OAS3: variants seen among roughly 807,000 people sequenced by gnomAD.
OAS3 encodes 2'-5'-oligoadenylate synthase 3.
Under a neutral mutation model 113.0 loss-of-function variants are expected in OAS3, and 107 were observed. The ratio of observed to expected loss-of-function variants is 0.95; its 90% CI spans 0.81 to 1.11. The LOEUF is 1.11. Among genes scored for constraint, OAS3 ranks in the 50% most tolerant of loss-of-function variants. The pLI is 0.00. For missense variants in OAS3, 1,258 were observed against 1,389.1 expected (o/e 0.91, Z 1.50); for synonymous variants, 552 against 573.6 (o/e 0.96, Z 0.54).
rs1253912699 is a variant in OAS3, at chr12:112,957,902, G to C, written c.1658-3169G>C. On this transcript the variant is annotated intron_variant, in intron 7 of 15. Coordinates refer to ENST00000228928, the MANE Select transcript of OAS3 (RefSeq NM_006187.4). Reference sequence around the variant, plus strand: ...TGGCCTGCCTTGCTAGGTTGGGGAAGTTCTCCTGGATAATATCCTGCAGAG... The same window carrying C: ...TGGCCTGCCTTGCTAGGTTGGGGAACTTCTCCTGGATAATATCCTGCAGAG... Among the ~76,000 whole-genome samples, 4 of 152,180 alleles carry C rather than the reference G, an allele frequency of 2.6e-5. No individual in the cohort carries two copies. The South Asian group carries it at 8.3e-4, about 32-fold the overall frequency.
rs1470491564 is a variant in OAS3, at chr12:112,944,637, C to A, written c.622C>A (p.His208Asn). The change falls in exon 3 of 16, where the codon CAC (histidine) becomes AAC (asparagine). Residue 208 changes from histidine to asparagine, a missense_variant. By Grantham distance (68) the His-to-Asn change is moderately conservative (BLOSUM62 1). Coordinates refer to ENST00000228928, the MANE Select transcript of OAS3 (RefSeq NM_006187.4). ...GAAGAACCTAATCTTGCTGGTGAAG[C>A]ACTGGTACCACCAGGTGAAGCCACT... ...KLKNLILLVK[H>N]WYHQVCLQGL... is the part of the protein sequence containing the mutation. 1.2e-6 allele frequency: 2 copies of A among 1,613,920 alleles called. No individual in the cohort carries two copies. Among genetic ancestry groups the A allele is most frequent in the Non-Finnish European group, 1.7e-6 (2 of 1,179,908 alleles).
chr12:112,950,735 G>T lies in OAS3; in HGVS notation c.1417G>T (p.Asp473Tyr). The part of the protein sequence containing the change: ...GRGTDLRDGC[D>Y]VELIIFLNCF... The stretch of plus-strand genomic sequence containing the variant: ...GGGCACAGACCTAAGGGATGGCTGT[G>T]ATGTTGAACTCATCATCTTCCTCAA... The change falls in exon 7 of 16, where the codon GAT becomes TAT. Residue 473 changes from aspartate (D) to tyrosine (Y), a missense_variant. Transcript: ENST00000228928. The T allele has an allele frequency of 6.2e-7, 1 of 1,614,030 alleles. No homozygotes were observed. Among genetic ancestry groups the T allele is most frequent in the Non-Finnish European group, 8.5e-7 (1 of 1,179,890 alleles).
At chr12:112,967,033 A>G (rs564261519) in intron 12 of OAS3, among the ~76,000 whole-genome samples, 1 of 152,188 alleles carries the variant, frequency 6.6e-6, no homozygotes, top group Non-Finnish European at 1.5e-5. Context: ...TGTAACCAGA[A>G]TGGTGATGTC....
In OAS3 at chr12:112,968,326, T is replaced by C. The variant is rs372759826; in HGVS notation, c.3104+152T>C. 8 of 717,648 alleles carry C rather than the reference T, an allele frequency of 1.1e-5. 1 individual carries two copies. Among genetic ancestry groups the C allele is most frequent in the African/African-American group, 9.6e-5 (5 of 52,108 alleles). The allele number at this position is 717,648 out of a possible 1,614,324, so 44.5% of individuals were successfully genotyped here. Reference sequence around the variant, plus strand: ...TTTGTAGTACCTGAGGGACAAACGGTCAATTTTCTGGTCACCCAGGAATAG... The same window carrying C: ...TTTGTAGTACCTGAGGGACAAACGGCCAATTTTCTGGTCACCCAGGAATAG... On this transcript the variant is annotated intron_variant, in intron 14 of 15. Coordinates refer to ENST00000228928, the MANE Select transcript of OAS3 (RefSeq NM_006187.4).
At chr12:112,955,148 T>C (rs2043821875) in intron 7 of OAS3, among the ~76,000 whole-genome samples, 2 of 152,230 alleles carry the variant, frequency 1.3e-5, no homozygotes, top group African/African-American at 2.4e-5. Flanking sequence ...GTAGGAATGC[T>C]TGTGATTTTT....
chr12:112,969,929 G>C (rs1202415448), intron 15 of OAS3, 33 bp from the exon 16 acceptor site: 1 of 1,605,076 alleles, frequency 6.2e-7, no homozygotes, highest in Non-Finnish European at 8.5e-7. Flanking sequence ...AGAAAGAATG[G>C]GGTTACCAAC....
At chr12:112,948,807 T>C (rs2043758032) in intron 5 of OAS3, 54 bp from the exon 6 acceptor site, 5 of 1,389,608 alleles carry the variant, frequency 3.6e-6, no homozygotes, top group Non-Finnish European at 4.9e-6. Flanking sequence ...AGGCATTGGG[T>C]TGATGCAGAA....
intron 4 of OAS3, among the ~76,000 whole-genome samples, chr12:112,947,192 A>G (rs1489746151): frequency 6.6e-6 from 1 of 152,168 alleles, no homozygotes. Context: ...GCCTGGCCCC[A>G]CAAGTTTTAT....
At chr12:112,947,918 G>T (rs1228245487) in intron 4 of OAS3, 28 bp from the exon 5 acceptor site, 2 of 1,553,146 alleles carry the variant, frequency 1.3e-6, no homozygotes, top group Non-Finnish European at 1.7e-6. Context: ...TTGCTAACCA[G>T]AACCTTCTTG....
intron 8 of OAS3, among the ~76,000 whole-genome samples, chr12:112,961,746 AGC>A (rs1451164308): frequency 6.6e-6 from 1 of 152,060 alleles, no homozygotes; most frequent in Non-Finnish European, 1.5e-5. Flanking sequence ...TGTGCCTGAA[AGC>A]AGATCTACTC....
At chr12:112,968,426 G>A (rs151094778) in intron 14 of OAS3, among the ~76,000 whole-genome samples, 48 of 152,282 alleles carry the variant, frequency 3.2e-4, no homozygotes, top group African/African-American at 1.1e-3. Flanking sequence ...CTTAGTATAA[G>A]TATGCTCGAT....
In OAS3 at chr12:112,963,038, C is replaced by T; in HGVS notation, c.2084+136C>T. On this transcript the variant is annotated intron_variant, in intron 9 of 15. Transcript: ENST00000228928. This position sits in a 1 kb window ranked among gnomAD's most constrained non-coding sequence, Gnocchi z 4.6. Reference sequence around the variant, plus strand: ...ACTCCTCACTCTGCTTCCCTCTGGACTCTTTGCTGAGGAAGTGTGGACATA... The same window carrying T: ...ACTCCTCACTCTGCTTCCCTCTGGATTCTTTGCTGAGGAAGTGTGGACATA... 1.5e-6 allele frequency: 2 copies of T among 1,316,668 alleles called. No homozygotes were observed. The highest frequency in any genetic ancestry group is 2.1e-6 in the Non-Finnish European group (2 of 947,342). The allele number at this position is 1,316,668 out of a possible 1,614,324, so 81.6% of individuals were successfully genotyped here. A position where few individuals can be genotyped will look rare whatever the true frequency, so the allele number is the denominator to read the frequency against.
chr12:112,962,911 C>A lies in OAS3; in HGVS notation c.2084+9C>A. On this transcript the variant is annotated intron_variant, in intron 9 of 15. Transcript: ENST00000228928. ...CAGCTTCGAAAACCCAGGTGAAGAC[C>A]CGCTTCCCTTTGCCTGGCTTCATTA... The A allele has an allele frequency of 6.2e-7, 1 of 1,612,114 alleles. No individual in the cohort carries two copies. The highest frequency in any genetic ancestry group is 2.2e-5 in the East Asian group (1 of 44,798).
chr12:112,967,413 T>C lies in OAS3; in HGVS notation c.2690-5T>C, dbSNP rs777377881. The C allele has an allele frequency of 1.8e-5, 29 of 1,609,354 alleles. No individual in the cohort carries two copies. Among genetic ancestry groups the C allele is most frequent in the African/African-American group, 2.7e-5 (2 of 74,830 alleles). On this transcript the variant is annotated splice_region_variant and splice_polypyrimidine_tract_variant and intron_variant, in intron 12 of 15. Transcript: ENST00000228928. Reference sequence around the variant, plus strand: ...GAGTGATGGTAACCATCTCCCCATCTCCAGGCCAGCTGGTCTCTGGCTCCA... The same window carrying C: ...GAGTGATGGTAACCATCTCCCCATCCCCAGGCCAGCTGGTCTCTGGCTCCA...
At chr12:112,946,593 T>C (rs2043731516) in intron 3 of OAS3, 150 bp from the exon 4 acceptor site, 1 of 571,020 alleles carries the variant, frequency 1.8e-6, no homozygotes, top group South Asian at 1.9e-5. Context: ...TGAGGGCTGG[T>C]GAGAAATGCC....
chr12:112,947,118 T>TTCACTGAG, intron 4 of OAS3, 137 bp downstream of exon 4: 1 of 669,318 alleles, frequency 1.5e-6, no homozygotes, highest in Admixed American at 2.6e-5. Context: ...CATGTTTTAA[T>TTCACTGAG]TCACTGGACT....
At chr12:112,953,664 T>C (rs975889940) in intron 7 of OAS3, among the ~76,000 whole-genome samples, 50 of 152,256 alleles carry the variant, frequency 3.3e-4, no homozygotes, top group Non-Finnish European at 6.0e-4. Flanking sequence ...TTCCTGACTT[T>C]TTAATGATCG....
In OAS3 at chr12:112,964,416, C is replaced by A; in HGVS notation, c.2403+8C>A. ...GTGATCAAGGTGGTCAAGGTGAGTC[C>A]TCAGAGAGCTGTAGGCAAGCAGTGT... On this transcript the variant is annotated splice_region_variant and intron_variant, in intron 11 of 15. Transcript: ENST00000228928. 1 of 1,608,538 alleles carries A rather than the reference C, an allele frequency of 6.2e-7. No individual in the cohort carries two copies. Among genetic ancestry groups the A allele is most frequent in the Non-Finnish European group, 8.5e-7 (1 of 1,177,410 alleles).
intron 12 of OAS3, 116 bp downstream of exon 12, chr12:112,966,145 C>A: frequency 9.4e-7 from 1 of 1,062,398 alleles, no homozygotes; most frequent in Non-Finnish European, 1.4e-6. Flanking sequence ...TCATTGCAGG[C>A]ATTGTAGTTG....
Sources: gnomAD v4.1 joint callset for allele counts (sites outside exome capture counted in the v4.1 genomes callset) on GRCh38, gnomAD v4.1.1 for gene constraint, Gnocchi (gnomAD v3.1) non-coding constraint, MANE v1.5 for transcripts, NCBI Gene and HGNC (gene_info 2026-07-23, HGNC 2026-07-21) for gene names.